RNF138: variants seen among roughly 807,000 people sequenced by gnomAD.
RNF138 encodes the protein ring finger protein 138.
RNF138 carries 12 observed loss-of-function variants against 31.0 expected under a neutral mutation model. The observed-to-expected ratio is 0.39, with a 90% CI of 0.25 to 0.63. RNF138 has a LOEUF of 0.63. RNF138 is among the 20% of genes least tolerant of loss of function. The pLI is 0.52. For synonymous variants in RNF138, 105 were observed against 99.5 expected (o/e 1.06, Z -0.33); for missense variants, 192 against 300.1 (o/e 0.64, Z 2.66).
At chr18:32,120,220 C>G (rs2040281519) in intron 4 of RNF138, among the ~76,000 whole-genome samples, 1 of 152,014 alleles carries the variant, frequency 6.6e-6, no homozygotes, top group African/African-American at 2.4e-5. Context: ...TTTATCTGCC[C>G]CATGTCAGTA....
chr18:32,113,651 GTATT>G, intron 3 of RNF138, 90 bp from the exon 4 acceptor site: 1 of 551,286 alleles, frequency 1.8e-6, no homozygotes, highest in Non-Finnish European at 3.1e-6. Flanking sequence ...TTTAAATGGA[GTATT>G]TAGTTACTTT....
At chr18:32,127,990 G>A (rs913535558) in intron 7 of RNF138, among the ~76,000 whole-genome samples, 17 of 152,234 alleles carry the variant, frequency 1.1e-4, no homozygotes, top group Admixed American at 3.9e-4. Context: ...TGAGGCAGGA[G>A]AATGGGATGA....
In RNF138 at chr18:32,101,295, T is replaced by G. The variant is rs576419476; in HGVS notation, c.110+8409T>G. On this transcript the variant is annotated intron_variant, in intron 2 of 7. Coordinates refer to ENST00000261593, the MANE Select transcript of RNF138 (RefSeq NM_016271.5). ...AGTGGCACACGCAGTCTTGGCTCACTGTAACCTCCGCCTCCTAGGTTCAAG... is the reference window on the plus strand; with the variant it reads ...AGTGGCACACGCAGTCTTGGCTCACGGTAACCTCCGCCTCCTAGGTTCAAG... Among the ~76,000 whole-genome samples, 3 of 151,660 alleles carry G rather than the reference T, an allele frequency of 2.0e-5. No individual in the cohort carries two copies. In the East Asian group the frequency reaches 5.8e-4, roughly 29 times the overall value.
In RNF138 at chr18:32,092,865, G is replaced by T; in HGVS notation, c.89G>T (p.Arg30Leu). ...CAGGAGGTGCTCAAAACGCCCGTGC[G>T]GACCACGGCCTGTCAGCACGTGTGA... ...VCQEVLKTPV[R>L]TTACQHVFCR... Residue 30 changes from arginine to leucine, a missense_variant, in exon 2 of 8, where the codon CGG becomes CTG. Around this residue, in one of 2 missense-constraint regions of RNF138, gnomAD observed 52 missense variants for 48.4 expected, o/e 1.07. Transcript: ENST00000261593. 2 of 1,584,620 alleles carry T rather than the reference G, an allele frequency of 1.3e-6. No homozygotes were observed.
In RNF138 at chr18:32,130,928, C is replaced by T. The variant is rs1417928448; in HGVS notation, c.*1741C>T. On this transcript the variant is annotated 3_prime_UTR_variant, in exon 8 of 8. Coordinates refer to ENST00000261593, the MANE Select transcript of RNF138 (RefSeq NM_016271.5). Reference sequence around the variant, plus strand: ...AACAGCTCCTTTTTAAGACTTTTGACCATAGTGTTTTCCAGTTTAAAGCAA... The same window carrying T: ...AACAGCTCCTTTTTAAGACTTTTGATCATAGTGTTTTCCAGTTTAAAGCAA... The T allele has an allele frequency of 2.6e-5, 4 of 152,250 alleles. No individual in the cohort carries two copies. The highest frequency in any genetic ancestry group is 6.6e-5 in the Admixed American group (1 of 15,250). 9.4% of individuals were successfully genotyped at this position (152,250 alleles called of 1,614,324 possible).
intron 4 of RNF138, among the ~76,000 whole-genome samples, chr18:32,116,738 G>C (rs568710660): frequency 7.1e-6 from 1 of 140,678 alleles, no homozygotes; most frequent in African/African-American, 2.6e-5. Flanking sequence ...TTTTTGGGGT[G>C]GGGGGGTGGT....
At chr18:32,115,184 A>G (rs527593881) in intron 4 of RNF138, among the ~76,000 whole-genome samples, 1 of 152,196 alleles carries the variant, frequency 6.6e-6, no homozygotes, top group Non-Finnish European at 1.5e-5. Context: ...TTCTTAGTAT[A>G]CATGATTGTA....
At chr18:32,101,714 A>G (rs2144574794) in intron 2 of RNF138, among the ~76,000 whole-genome samples, 1 of 152,302 alleles carries the variant, frequency 6.6e-6, no homozygotes, top group South Asian at 2.1e-4. Flanking sequence ...AATTTACAAA[A>G]TGCCATTAGT....
chr18:32,113,318 A>G (rs2144246060), intron 3 of RNF138, among the ~76,000 whole-genome samples: 1 of 152,240 alleles, frequency 6.6e-6, no homozygotes, highest in East Asian at 1.9e-4. Context: ...CCAGCCTCCC[A>G]AAAGGCTGGG....
rs988310042 is a variant in RNF138 at position 32,130,394 on chromosome 18, A to G, written c.*1207A>G. On this transcript the variant is annotated 3_prime_UTR_variant, in exon 8 of 8. Coordinates refer to ENST00000261593, the MANE Select transcript of RNF138 (RefSeq NM_016271.5). ...TATAGTGAGAAAGATTCTACCAACC[A>G]CTGTTTCACTACTTTTTAGTTAAAA... 2.0e-5 allele frequency: 3 copies of G among 152,378 alleles called. No individual in the cohort carries two copies. Among genetic ancestry groups the G allele is most frequent in the African/African-American group, 7.2e-5 (3 of 41,436 alleles). The allele number at this position is 152,378 out of a possible 1,614,324, so 9.4% of individuals were successfully genotyped here.
chr18:32,097,892 ATATGTGTATG>A (rs1024598942), intron 2 of RNF138, among the ~76,000 whole-genome samples: 3 of 151,642 alleles, frequency 2.0e-5, no homozygotes, highest in Admixed American at 6.6e-5. Context: ...ATGTGTATGT[ATATGTGTATG>A]TATGTGTATT....
chr18:32,100,280 C>T (rs2039905029), intron 2 of RNF138, among the ~76,000 whole-genome samples: 1 of 150,160 alleles, frequency 6.7e-6, no homozygotes, highest in Admixed American at 6.7e-5. Flanking sequence ...GACCTGAATA[C>T]CTCTATTTTA....
chr18:32,128,841 T>C (rs948280106), intron 7 of RNF138, among the ~76,000 whole-genome samples: 2 of 152,180 alleles, frequency 1.3e-5, no homozygotes, highest in African/African-American at 4.8e-5. Context: ...GAATGACTTA[T>C]AAAGGCATTA....
chr18:32,113,657 A>G (rs1038198454), intron 3 of RNF138, 88 bp from the exon 4 acceptor site: 2 of 570,796 alleles, frequency 3.5e-6, no homozygotes, highest in Admixed American at 4.0e-5. Flanking sequence ...TGGAGTATTT[A>G]GTTACTTTTA....
chr18:32,117,655 A>G (rs576678173), intron 4 of RNF138, among the ~76,000 whole-genome samples: 22 of 152,368 alleles, frequency 1.4e-4, no homozygotes, highest in African/African-American at 5.0e-4. Context: ...ACTGTAAGCT[A>G]TAACTTCCAG....
intron 6 of RNF138, among the ~76,000 whole-genome samples, chr18:32,126,006 T>C (rs2040377688): frequency 6.6e-6 from 1 of 152,388 alleles, no homozygotes; most frequent in South Asian, 2.1e-4. Context: ...ATATTCGATA[T>C]ATCATAAACT....
intron 2 of RNF138, 50 bp downstream of exon 2, chr18:32,092,936 C>G (rs1356119807): frequency 1.8e-6 from 2 of 1,121,028 alleles, no homozygotes; most frequent in Non-Finnish European, 2.5e-6. Context: ...CGCTTAGGCC[C>G]GGCCTCCGGC....
At chr18:32,107,584 G>C (rs1007514346) in intron 2 of RNF138, among the ~76,000 whole-genome samples, 4 of 151,770 alleles carry the variant, frequency 2.6e-5, no homozygotes, top group African/African-American at 9.7e-5. Context: ...GCAATGGCAC[G>C]ATCTTGGCTC....
chr18:32,094,555 G>A (rs1054774487), intron 2 of RNF138, among the ~76,000 whole-genome samples: 8 of 152,056 alleles, frequency 5.3e-5, no homozygotes, highest in African/African-American at 1.9e-4. Flanking sequence ...GCATGTGTGA[G>A]ATATGCCATC....
Sources: gnomAD v4.1 joint callset for allele counts (sites outside exome capture counted in the v4.1 genomes callset) on GRCh38, gnomAD v4.1.1 for gene constraint, gnomAD v4.1.1 regional missense constraint, MANE v1.5 for transcripts, NCBI Gene and HGNC (gene_info 2026-07-23, HGNC 2026-07-21) for gene names.